Variants in PCDHA10 observed in about 807,000 individuals in gnomAD.
PCDHA10 encodes protocadherin alpha 10.
PCDHA10 carries 45 observed loss-of-function variants against 61.2 expected under a neutral mutation model. The observed-to-expected ratio is 0.74, with a 90% CI of 0.58 to 0.94. The LOEUF (loss-of-function observed/expected upper bound fraction) is 0.94. PCDHA10 is among the 40% of genes least tolerant of loss of function. The pLI, the probability that PCDHA10 is intolerant of heterozygous loss-of-function variation, is 0.00. For synonymous variants in PCDHA10, 602 were observed against 548.8 expected, an observed-to-expected ratio of 1.10 and a Z score of -1.35; for missense variants, 1,278 against 1,236.2, an observed-to-expected ratio of 1.03 and a Z score of -0.51.
At chr5:140,931,519 A>G (rs578009368) in intron 1 of PCDHA10, among the ~76,000 whole-genome samples, 6 of 152,054 alleles carry the variant, frequency 3.9e-5, no homozygotes, top group Non-Finnish European at 8.8e-5. Flanking sequence ...TGAATGATTA[A>G]CAAAATAATA....
chr5:140,941,207 C>CTTCCTTTCTTTCTT (rs1563185091), intron 1 of PCDHA10, among the ~76,000 whole-genome samples: 2 of 103,272 alleles, frequency 1.9e-5, no homozygotes, highest in African/African-American at 1.2e-4. Flanking sequence ...TTCTTCCTTT[C>CTTCCTTTCTTTCTT]TTTCTTCCTT....
At chr5:140,903,563 T>G (rs1459855021) in intron 1 of PCDHA10, among the ~76,000 whole-genome samples, 1 of 152,208 alleles carries the variant, frequency 6.6e-6, no homozygotes, top group African/African-American at 2.4e-5. Context: ...ATAAGTGGAA[T>G]TGGGAGCTGT....
rs149837711 is a variant in PCDHA10 at position 140,940,786 on chromosome 5, G to A, written c.2389-38163G>A. Reference sequence around the variant, plus strand: ...TTTGACTTTTGATGGTCCATATCCTGAAAATGATATTTGCCAGGATATCCT... The same window carrying A: ...TTTGACTTTTGATGGTCCATATCCTAAAAATGATATTTGCCAGGATATCCT... On this transcript the variant is annotated intron_variant, in intron 1 of 3. Coordinates refer to ENST00000307360, the MANE Select transcript of PCDHA10 (RefSeq NM_018901.4). 1.1e-4 allele frequency among the ~76,000 whole-genome samples: 17 copies of A among 152,224 alleles called. 1 individual carries two copies. The East Asian group carries it at 2.9e-3, about 26-fold the overall frequency.
chr5:140,870,202 G>T, intron 1 of PCDHA10: 1 of 1,614,162 alleles, frequency 6.2e-7, no homozygotes, highest in Non-Finnish European at 8.5e-7. Flanking sequence ...GCCCAGCACG[G>T]TCATTGCCCT....
At chr5:141,008,014 CT>C (rs1268690822) in intron 3 of PCDHA10, among the ~76,000 whole-genome samples, 12 of 152,070 alleles carry the variant, frequency 7.9e-5, no homozygotes, top group African/African-American at 1.7e-4. Flanking sequence ...CTTCTGTTTC[CT>C]TTTTTTTCTT....
In PCDHA10 at chr5:141,011,865, G is replaced by A. The variant is rs372303007; in HGVS notation, c.*1928G>A. Reference sequence around the variant, plus strand: ...TAAGACATTTTAATTTTGTTATAATGTACAATTTAGAAGTTTGATTAATTA... The same window carrying A: ...TAAGACATTTTAATTTTGTTATAATATACAATTTAGAAGTTTGATTAATTA... On this transcript the variant is annotated 3_prime_UTR_variant, in exon 4 of 4. Coordinates refer to ENST00000307360, the MANE Select transcript of PCDHA10 (RefSeq NM_018901.4). 40 of 153,574 alleles carry A rather than the reference G, an allele frequency of 2.6e-4. No individual in the cohort carries two copies. The highest frequency in any genetic ancestry group is 3.4e-3 in the Middle Eastern group (1 of 294). 9.5% of individuals were successfully genotyped at this position (153,574 alleles called of 1,614,324 possible).
intron 1 of PCDHA10, chr5:140,927,330 G>A (rs2084093036): frequency 6.2e-7 from 1 of 1,614,140 alleles, no homozygotes; most frequent in Non-Finnish European, 8.5e-7. Flanking sequence ...TTACTCTCCC[G>A]AATGCCCAAG....
chr5:141,011,182 G>T lies in PCDHA10; in HGVS notation c.*1245G>T, dbSNP rs887034679. On this transcript the variant is annotated 3_prime_UTR_variant, in exon 4 of 4. Coordinates refer to ENST00000307360, the MANE Select transcript of PCDHA10 (RefSeq NM_018901.4). ...TATATATCAAGACCCAAAAATTGAA[G>T]AAAAATATTGTTTTCTCATACAGTG... 1.3e-5 allele frequency: 2 copies of T among 153,494 alleles called. No individual in the cohort carries two copies. Among genetic ancestry groups the T allele is most frequent in the Admixed American group, 6.6e-5 (1 of 15,254 alleles). The allele number at this position is 153,494 out of a possible 1,614,324, so 9.5% of individuals were successfully genotyped here.
rs2098413689 is a variant in PCDHA10, at chr5:141,009,672, A to G, written c.2582A>G (p.Asn861Ser). Residue 861 changes from asparagine to serine, a missense_variant, in exon 4 of 4, where the codon AAC becomes AGC. Physicochemically the swap from Asn to Ser is conservative, Grantham distance 46. Transcript: ENST00000307360. The stretch of plus-strand genomic sequence containing the variant: ...TCCCCTCCAGTCGGTGCGGGTGTCA[A>G]CAGCAACAGCTGGACCTTTAAATAC... ...EVSPPVGAGV[N>S]SNSWTFKYGP... is the part of the protein sequence containing the mutation. 6.2e-7 allele frequency: 1 copy of G among 1,614,102 alleles called. No homozygotes were observed. The highest frequency in any genetic ancestry group is 1.1e-5 in the South Asian group (1 of 91,070).
At chr5:140,937,954 G>A (rs1209058625) in intron 1 of PCDHA10, among the ~76,000 whole-genome samples, 2 of 151,226 alleles carry the variant, frequency 1.3e-5, no homozygotes, top group Non-Finnish European at 2.9e-5. Context: ...GGCTTTTGTT[G>A]AAAGTATATA....
At chr5:140,883,528 C>T in intron 1 of PCDHA10, 1 of 1,614,248 alleles carries the variant, frequency 6.2e-7, no homozygotes, top group South Asian at 1.1e-5. Flanking sequence ...GCGTATCAGC[C>T]TATGAACTGG....
chr5:140,914,783 A>G (rs1445627539), intron 1 of PCDHA10, among the ~76,000 whole-genome samples: 1 of 151,972 alleles, frequency 6.6e-6, no homozygotes, highest in Admixed American at 6.6e-5. Context: ...TTATCTTATG[A>G]CCCATTATTT....
At chr5:140,995,936 T>C (rs1554254905) in intron 3 of PCDHA10, among the ~76,000 whole-genome samples, 1 of 152,220 alleles carries the variant, frequency 6.6e-6, no homozygotes, top group Non-Finnish European at 1.5e-5. Context: ...AAGTATTAAA[T>C]GACATAATGC....
At chr5:140,896,346 G>A (rs1466880160) in intron 1 of PCDHA10, among the ~76,000 whole-genome samples, 17 of 151,992 alleles carry the variant, frequency 1.1e-4, no homozygotes, top group African/African-American at 3.4e-4. Flanking sequence ...TTATATTCCC[G>A]CCAGCAGTGT....
chr5:140,967,012 G>A, intron 1 of PCDHA10: 1 of 1,606,776 alleles, frequency 6.2e-7, no homozygotes, highest in Non-Finnish European at 8.5e-7. Flanking sequence ...TCAACCATCT[G>A]GGTGCGCCCA....
chr5:140,875,242 TA>T, intron 1 of PCDHA10: 2 of 943,026 alleles, frequency 2.1e-6, no homozygotes, highest in Non-Finnish European at 3.0e-6. Flanking sequence ...TGTACTTACA[TA>T]ATCAGTCACA....
rs781965106 is a variant in PCDHA10 at position 140,882,419 on chromosome 5, G to A, written c.2388+23983G>A. 8.7e-6 allele frequency: 14 copies of A among 1,613,992 alleles called. No homozygotes were observed. The African/African-American group carries it at 1.5e-4, about 17-fold the overall frequency. ...CACCTTCGTGGGCCGCATCGCTCAG[G>A]ACCTGGGGCTGGAGCTGGCGGAGCT... On this transcript the variant is annotated intron_variant, in intron 1 of 3. Transcript: ENST00000307360.
chr5:140,870,302 T>A (rs782099481), intron 1 of PCDHA10: 9 of 1,614,020 alleles, frequency 5.6e-6, no homozygotes, highest in South Asian at 4.4e-5. Flanking sequence ...GTGTCCACCT[T>A]CAAGAATTAC....
At chr5:140,897,580 G>A (rs1420816335) in intron 1 of PCDHA10, among the ~76,000 whole-genome samples, 1 of 151,964 alleles carries the variant, frequency 6.6e-6, no homozygotes, top group African/African-American at 2.4e-5. Flanking sequence ...TCTTAATCCA[G>A]TCTGTCATTG....
Sources: allele counts gnomAD v4.1 joint callset (sites outside exome capture counted in the v4.1 genomes callset), GRCh38; gene constraint gnomAD v4.1.1; transcripts MANE v1.5; gene names NCBI Gene and HGNC (gene_info 2026-07-23, HGNC 2026-07-21).